Variants in SDHAF4 observed in about 807,000 individuals in gnomAD.
SDHAF4 encodes the protein succinate dehydrogenase assembly factor 4, mitochondrial.
Under a neutral mutation model 14.3 loss-of-function variants are expected in SDHAF4, and 14 were observed. That is an observed-to-expected ratio of 0.98 (90% CI 0.65 to 1.53). The LOEUF (loss-of-function observed/expected upper bound fraction) is 1.53. Ranked by LOEUF, SDHAF4 falls within the 40% of genes most tolerant of loss-of-function variation. The pLI, the probability that SDHAF4 is intolerant of heterozygous loss-of-function variation, is 0.00. For synonymous variants in SDHAF4, 63 were observed against 47.3 expected (o/e 1.33, Z -1.36); for missense variants, 141 against 129.3 (o/e 1.09, Z -0.44).
At chr6:70,592,914 A>G (rs79460876), downstream of SDHAF4, among the ~76,000 whole-genome samples, 182 of 152,340 alleles carry the variant, frequency 1.2e-3, 3 homozygotes, top group East Asian at 0.028. Flanking sequence ...TGGGAGAAAG[A>G]TCCCAAAGGC....
rs780887189 is a variant in SDHAF4, at chr6:70,566,959, C to A, written c.19C>A (p.Pro7Thr). The A allele has an allele frequency of 1.9e-6, 3 of 1,591,342 alleles. No individual in the cohort carries two copies. Among genetic ancestry groups the A allele is most frequent in the South Asian group, 2.3e-5 (2 of 87,260 alleles). The change falls in exon 1 of 3, where the codon CCC becomes ACC. Residue 7 changes from proline (P) to threonine (T), a missense_variant. Pro to Thr is a conservative substitution (Grantham distance 38). Transcript: ENST00000370474. Reference sequence around the variant, plus strand: ...CGGCGCCATGACCCCATCGAGGCTTCCCTGGTTGCTTAGCTGGGTCTCGGC... The same window carrying A: ...CGGCGCCATGACCCCATCGAGGCTTACCTGGTTGCTTAGCTGGGTCTCGGC... MTPSRLPWLLSWVSATA... is the reference protein window; with the variant it reads MTPSRLTWLLSWVSATA...
intron 2 of SDHAF4, among the ~76,000 whole-genome samples, chr6:70,583,448 G>A (rs183988001): frequency 2.6e-5 from 4 of 152,256 alleles, no homozygotes; most frequent in African/African-American, 9.6e-5. Flanking sequence ...ATAAGGTGTG[G>A]TGAGGAGACA....
At chr6:70,580,972 C>T (rs117979014) in intron 2 of SDHAF4, among the ~76,000 whole-genome samples, 9,839 of 152,122 alleles carry the variant, frequency 0.065, 425 homozygotes, top group Non-Finnish European at 0.1. Context: ...CACTCTTTCA[C>T]CTAGGCTGGA....
the SDHAF4 span, among the ~76,000 whole-genome samples, chr6:70,595,729 G>A: frequency 4.0e-5 from 6 of 151,764 alleles, no homozygotes; most frequent in Non-Finnish European, 5.9e-5. Context: ...CCACATACTC[G>A]GGAGGCTGAT....
rs1802294961 is a variant in SDHAF4, at chr6:70,579,509, C to A, written c.160C>A (p.Pro54Thr). 1.2e-6 allele frequency: 2 copies of A among 1,611,042 alleles called. No homozygotes were observed. The highest frequency in any genetic ancestry group is 8.5e-7 in the Non-Finnish European group (1 of 1,178,502). ...VKQSLKKPKL[P>T]EGRFDAPEDS... ...ACAGTCCCTTAAGAAGCCGAAGTTA[C>A]CAGAAGGTCGTTTTGATGCACCAGA... The change falls in exon 2 of 3, where the codon CCA becomes ACA. Residue 54 changes from proline (P) to threonine (T), a missense_variant. Pro to Thr is a conservative substitution (Grantham distance 38, BLOSUM62 -1). Coordinates refer to ENST00000370474, the MANE Select transcript of SDHAF4 (RefSeq NM_145267.3).
chr6:70,572,421 T>G (rs73480275), intron 1 of SDHAF4, among the ~76,000 whole-genome samples: 26,392 of 152,040 alleles, frequency 0.17, 2,381 homozygotes, highest in Middle Eastern at 0.21. Flanking sequence ...TTGCTGAAAG[T>G]AGATTTTAAA....
downstream of SDHAF4, among the ~76,000 whole-genome samples, chr6:70,590,105 G>T (rs1447819406): frequency 2.0e-5 from 3 of 152,286 alleles, no homozygotes; most frequent in East Asian, 1.9e-4. Flanking sequence ...GGGCGTGGTG[G>T]TGCAGGCCTG....
At chr6:70,595,835 C>CAAAAAA in the SDHAF4 span, among the ~76,000 whole-genome samples, 1 of 98,702 alleles carries the variant, frequency 1.0e-5, no homozygotes, top group Non-Finnish European at 2.0e-5. Flanking sequence ...GACTCTATCT[C>CAAAAAA]AAAAAAAAAA....
chr6:70,597,153 A>G, the SDHAF4 span, among the ~76,000 whole-genome samples: 12 of 151,978 alleles, frequency 7.9e-5, no homozygotes, highest in African/African-American at 2.7e-4. Flanking sequence ...TTGTTTTTTG[A>G]GAGTGAGCCT....
downstream of SDHAF4, among the ~76,000 whole-genome samples, chr6:70,592,784 T>C (rs937805970): frequency 6.6e-6 from 1 of 152,168 alleles, no homozygotes; most frequent in Non-Finnish European, 1.5e-5. Flanking sequence ...ATTCTAAGCC[T>C]AGACATGTGG....
At chr6:70,571,683 C>T (rs542290815) in intron 1 of SDHAF4, among the ~76,000 whole-genome samples, 1 of 152,260 alleles carries the variant, frequency 6.6e-6, no homozygotes, top group East Asian at 1.9e-4. Context: ...ACTCTTTTCC[C>T]TTCTTTGTTA....
chr6:70,572,801 C>T (rs1045006507), intron 1 of SDHAF4, among the ~76,000 whole-genome samples: 8 of 151,816 alleles, frequency 5.3e-5, no homozygotes, highest in African/African-American at 1.7e-4. Flanking sequence ...TGTTCAGACT[C>T]GTGGGTCTGT....
intron 2 of SDHAF4, among the ~76,000 whole-genome samples, chr6:70,583,389 A>G (rs930560924): frequency 5.9e-5 from 9 of 152,346 alleles, no homozygotes; most frequent in African/African-American, 2.2e-4. Flanking sequence ...CTGAGGTTAC[A>G]GGTGTGAGCC....
At chr6:70,569,126 C>T (rs1330391974) in intron 1 of SDHAF4, among the ~76,000 whole-genome samples, 35 of 151,362 alleles carry the variant, frequency 2.3e-4, no homozygotes, top group East Asian at 3.9e-4. Context: ...CCACCACGCC[C>T]GGCTAATTTT....
chr6:70,577,542 C>A (rs916722110), intron 1 of SDHAF4, among the ~76,000 whole-genome samples: 2 of 152,186 alleles, frequency 1.3e-5, no homozygotes, highest in Non-Finnish European at 2.9e-5. Context: ...GCATTGCAGA[C>A]ACCCAGTACA....
At chr6:70,590,282 G>C (rs537609192), downstream of SDHAF4, among the ~76,000 whole-genome samples, 15 of 152,210 alleles carry the variant, frequency 9.9e-5, no homozygotes, top group African/African-American at 3.6e-4. Flanking sequence ...ACACATTCAA[G>C]AAAGGGGAGT....
chr6:70,583,784 T>C (rs1765168321), intron 2 of SDHAF4, among the ~76,000 whole-genome samples: 1 of 152,192 alleles, frequency 6.6e-6, no homozygotes, highest in South Asian at 2.1e-4. Flanking sequence ...CTGGGCCACA[T>C]GCAGCCCGTG....
intron 1 of SDHAF4, among the ~76,000 whole-genome samples, chr6:70,569,730 G>C (rs1185010425): frequency 3.3e-5 from 5 of 150,740 alleles, no homozygotes; most frequent in African/African-American, 4.8e-5. Flanking sequence ...TTAATAAACA[G>C]ATGTTTATAA....
downstream of SDHAF4, among the ~76,000 whole-genome samples, chr6:70,591,514 A>G (rs1349689089): frequency 3.3e-5 from 5 of 151,766 alleles, no homozygotes; most frequent in African/African-American, 1.2e-4. Flanking sequence ...GTATTTTTGT[A>G]GAGACGGGGT....
Sources: allele counts gnomAD v4.1 joint callset (sites outside exome capture counted in the v4.1 genomes callset), GRCh38; gene constraint gnomAD v4.1.1; transcripts MANE v1.5; gene names NCBI Gene and HGNC (gene_info 2026-07-23, HGNC 2026-07-21).